The following DACH1 variants were observed in gnomAD, a reference collection of about 807,000 sequenced individuals.
DACH1 encodes the protein dachshund homolog 1.
A neutral mutation model predicts 54.2 loss-of-function variants in DACH1; 12 were observed. The observed-to-expected ratio is 0.22, with a 90% CI of 0.14 to 0.36. The LOEUF (loss-of-function observed/expected upper bound fraction) is 0.36, where lower values mean the gene tolerates loss of function less well. Among genes scored for constraint, DACH1 ranks in the 10% least tolerant of loss-of-function variants. The pLI is 1.00. For synonymous variants in DACH1, 386 were observed against 366.2 expected (o/e 1.05, Z -0.62); for missense variants, 805 against 929.8 (o/e 0.87, Z 1.75).
At chr13:71,750,472 C>A (rs941212051) in intron 1 of DACH1, among the ~76,000 whole-genome samples, 2 of 152,220 alleles carry the variant, frequency 1.3e-5, no homozygotes, top group Admixed American at 6.5e-5. Context: ...AGTAAATGTA[C>A]CCTTTAATAA....
At chr13:71,599,886 A>G (rs773979989) in intron 3 of DACH1, among the ~76,000 whole-genome samples, 6 of 151,850 alleles carry the variant, frequency 4.0e-5, no homozygotes, top group Non-Finnish European at 8.8e-5. Flanking sequence ...GAGGACACAG[A>G]TATAATGTGA....
In DACH1 at chr13:71,479,193, A is replaced by G. The variant is rs746993389; in HGVS notation, c.1846T>C (p.Leu616=). Residue 616 remains leucine (L), a synonymous_variant, in exon 8 of 11, where the codon TTG becomes CTG. Transcript: ENST00000613252. ...CCTCTATTCTTTTGTTCCATAGCCA[A>G]CTGCTTCTCAAGTGTTTCCCTTAGT... is the stretch of plus-strand genomic sequence containing the variant. The part of the protein sequence containing the change: ...RELRETLEKQ[L]AMEQKNRAIV... The G allele has an allele frequency of 1.9e-6, 3 of 1,612,490 alleles. No homozygotes were observed. The highest frequency in any genetic ancestry group is 1.7e-5 in the Admixed American group (1 of 59,788).
chr13:71,780,659 A>AC (rs1491255652), intron 1 of DACH1, among the ~76,000 whole-genome samples: 3 of 151,960 alleles, frequency 2.0e-5, no homozygotes, highest in Admixed American at 2.0e-4. Context: ...AAAAAAAAAA[A>AC]ATTCTCTTAA....
In DACH1 at chr13:71,542,514, T is replaced by TAA. The variant is rs1883202527; in HGVS notation, c.1570+14508_1570+14509dup. On this transcript the variant is annotated intron_variant, in intron 6 of 10. Coordinates refer to ENST00000613252, the MANE Select transcript of DACH1 (RefSeq NM_080759.6). The stretch of plus-strand genomic sequence containing the variant: ...AATACATGTGTCGATAGCTGACTTT[T>TAA]AAATATCAATAATGTCATTATCATT... Among the ~76,000 whole-genome samples the TAA allele has an allele frequency of 3.3e-5, 5 of 152,180 alleles. No homozygotes were observed. The South Asian group carries it at 1.0e-3, about 31-fold the overall frequency.
chr13:71,590,926 G>A (rs1463516790), intron 3 of DACH1, among the ~76,000 whole-genome samples: 1 of 138,414 alleles, frequency 7.2e-6, no homozygotes, highest in East Asian at 2.1e-4. Flanking sequence ...TCAACCAGGC[G>A]GGAGTGCAGG....
chr13:71,854,196 T>G (rs1873851922), intron 1 of DACH1, among the ~76,000 whole-genome samples: 1 of 152,148 alleles, frequency 6.6e-6, no homozygotes, highest in Admixed American at 6.6e-5. Context: ...ATTTAAGGGA[T>G]CTGTTCTAAA....
At chr13:71,814,762 A>T (rs1375088867) in intron 1 of DACH1, among the ~76,000 whole-genome samples, 1 of 152,258 alleles carries the variant, frequency 6.6e-6, no homozygotes, top group Non-Finnish European at 1.5e-5. Flanking sequence ...ATGCATCAGG[A>T]TAATGCATGT....
At chr13:71,789,429 T>C (rs303953) in intron 1 of DACH1, among the ~76,000 whole-genome samples, 78,238 of 151,836 alleles carry the variant, frequency 0.52, 21,737 homozygotes, top group East Asian at 0.86. Flanking sequence ...CTTGAACTGA[T>C]GGGATCTGAT....
intron 6 of DACH1, among the ~76,000 whole-genome samples, chr13:71,496,353 A>G (rs1879441890): frequency 6.8e-6 from 1 of 146,208 alleles, no homozygotes; most frequent in Non-Finnish European, 1.5e-5. Context: ...GTGTATGTGT[A>G]TATATATAGA....
chr13:71,680,185 G>A (rs1009329631), intron 2 of DACH1, among the ~76,000 whole-genome samples: 4 of 152,160 alleles, frequency 2.6e-5, no homozygotes, highest in African/African-American at 9.7e-5. Flanking sequence ...AAAGTAAAAT[G>A]ACGATAGTTG....
chr13:71,613,754 C>T (rs781478088), intron 3 of DACH1, among the ~76,000 whole-genome samples: 1 of 152,142 alleles, frequency 6.6e-6, no homozygotes, highest in Non-Finnish European at 1.5e-5. Context: ...CTCTGTCACC[C>T]AGTCTGGAGT....
chr13:71,718,148 G>A (rs1040161295), intron 1 of DACH1, among the ~76,000 whole-genome samples: 1 of 152,074 alleles, frequency 6.6e-6, no homozygotes, highest in African/African-American at 2.4e-5. Flanking sequence ...TGGAAAAGAT[G>A]AGAACAAAAT....
At chr13:71,823,592 G>T (rs762498101) in intron 1 of DACH1, among the ~76,000 whole-genome samples, 2 of 151,882 alleles carry the variant, frequency 1.3e-5, no homozygotes, top group African/African-American at 2.4e-5. Flanking sequence ...AAGTCATTTA[G>T]CATATATCAC....
rs1201783247 is a variant in DACH1 at position 71,798,319 on chromosome 13, CATACATATATATATATATATATATAT to C, written c.848+67577_848+67602del. On this transcript the variant is annotated intron_variant, in intron 1 of 10. Transcript: ENST00000613252. ...AGATGATTTTAAAGAGAACTTGTTA[CATACATATATATATATATATATATAT>C]ATATATATATATATATATCCATTAC... is the stretch of plus-strand genomic sequence containing the variant. Among the ~76,000 whole-genome samples, 32 of 85,470 alleles carry C rather than the reference CATACATATATATATATATATATATAT, an allele frequency of 3.7e-4. No homozygotes were observed. In the East Asian group the frequency reaches 7.4e-3, roughly 20 times the overall value. 56.1% of individuals were successfully genotyped at this position (85,470 alleles called of 152,430 possible). A position where few individuals can be genotyped will look rare whatever the true frequency, so the allele number is the denominator to read the frequency against.
At position 71,858,359 on chromosome 13, in the gene DACH1, C is replaced by A. The variant is rs541973362; in HGVS notation, c.848+7563G>T. On this transcript the variant is annotated intron_variant, in intron 1 of 10. Coordinates refer to ENST00000613252, the MANE Select transcript of DACH1 (RefSeq NM_080759.6). ...AATACTTCATGTTTACCACTCCATT[C>A]ATATACGCTAAGGAAACAAAAACAT... 4.0e-5 allele frequency among the ~76,000 whole-genome samples: 6 copies of A among 151,808 alleles called. 2 individuals carry two copies. The South Asian group carries it at 1.2e-3, about 31-fold the overall frequency.
chr13:71,658,879 ATTTTGATTTTTAAAAACATTTTTTCAAAT>A (rs558677524), intron 2 of DACH1, among the ~76,000 whole-genome samples: 2,684 of 152,232 alleles, frequency 0.018, 61 homozygotes, highest in African/African-American at 0.047. Flanking sequence ...AATTGCACAC[ATTTTGATTTTTAAAAACATTTTTTCAAAT>A]TCAGAACATA....
At position 71,448,375 on chromosome 13, in the gene DACH1, G is replaced by A. The variant is rs192905518; in HGVS notation, c.2084-7683C>T. 2.6e-5 allele frequency among the ~76,000 whole-genome samples: 4 copies of A among 152,178 alleles called. No homozygotes were observed. The East Asian group carries it at 7.7e-4, about 29-fold the overall frequency. ...TGAAGTAAAGGAAACCAAAGCAAGC[G>A]ATGAAAACAAATGTTAATGATTCAT... On this transcript the variant is annotated intron_variant, in intron 10 of 10. Coordinates refer to ENST00000613252, the MANE Select transcript of DACH1 (RefSeq NM_080759.6).
chr13:71,529,183 G>GTTTTTTTTTGTTTTTTTTTTTTTTTT (rs1882223472), intron 6 of DACH1, among the ~76,000 whole-genome samples: 5 of 80,980 alleles, frequency 6.2e-5, no homozygotes, highest in African/African-American at 2.2e-4. Flanking sequence ...TGTGATTTGG[G>GTTTTTTTTTGTTTTTTTTTTTTTTTT]TTTTTTTTTT....
intron 3 of DACH1, among the ~76,000 whole-genome samples, chr13:71,610,431 T>C (rs924355479): frequency 6.6e-6 from 1 of 152,190 alleles, no homozygotes; most frequent in African/African-American, 2.4e-5. Flanking sequence ...ATCTAGTTTT[T>C]GTTTTGTTTT....
Sources: allele counts gnomAD v4.1 joint callset (sites outside exome capture counted in the v4.1 genomes callset), GRCh38; gene constraint gnomAD v4.1.1; transcripts MANE v1.5; gene names NCBI Gene and HGNC (gene_info 2026-07-23, HGNC 2026-07-21).